PREX1: variants seen among roughly 807,000 people sequenced by gnomAD.
The protein encoded by PREX1 is phosphatidylinositol 3,4,5-trisphosphate-dependent Rac exchanger 1 protein.
In PREX1, 41 loss-of-function variants were observed where a neutral mutation model predicts 198.3. The ratio of observed to expected loss-of-function variants is 0.21; its 90% CI spans 0.16 to 0.27. The LOEUF is 0.27. Ranked by LOEUF, PREX1 falls within the 10% of genes least tolerant of loss-of-function variation. The pLI, the probability that PREX1 is intolerant of heterozygous loss-of-function variation, is 1.00. For synonymous variants in PREX1, 843 were observed against 887.2 expected (o/e 0.95, Z 0.89); for missense variants, 1,620 against 2,200.7 (o/e 0.74, Z 5.28).
At chr20:48,678,203 A>G (rs2089722572) in intron 13 of PREX1, among the ~76,000 whole-genome samples, 1 of 151,974 alleles carries the variant, frequency 6.6e-6, no homozygotes, top group African/African-American at 2.4e-5. Context: ...AATGCCAGCC[A>G]CTCAGGCAAC....
At chr20:48,838,791 G>A in the PREX1 span, among the ~76,000 whole-genome samples, 1 of 152,036 alleles carries the variant, frequency 6.6e-6, no homozygotes, top group African/African-American at 2.4e-5. Flanking sequence ...ACTTTGGGAG[G>A]TGGAGGCTGC....
chr20:48,650,612 G>A (rs1408466508), intron 23 of PREX1, among the ~76,000 whole-genome samples: 1 of 152,246 alleles, frequency 6.6e-6, no homozygotes, highest in Non-Finnish European at 1.5e-5. Context: ...TGGGCTTGCT[G>A]AGGCTAGAGC....
chr20:48,763,378 G>A (rs550620308), intron 1 of PREX1, among the ~76,000 whole-genome samples: 9 of 152,306 alleles, frequency 5.9e-5, no homozygotes, highest in South Asian at 4.1e-4. Context: ...ATTTCCCGCC[G>A]GAATGTCCTG....
At chr20:48,843,876 G>T in the PREX1 span, among the ~76,000 whole-genome samples, 2 of 152,130 alleles carry the variant, frequency 1.3e-5, no homozygotes, top group African/African-American at 4.8e-5. Flanking sequence ...CTGGCATGGT[G>T]GCTCATACCT....
At chr20:48,882,003 A>G in the PREX1 span, among the ~76,000 whole-genome samples, 1 of 149,814 alleles carries the variant, frequency 6.7e-6, no homozygotes. Context: ...ACAGATCATC[A>G]TACAATATGT....
rs531953979 is a variant in PREX1 at position 48,644,392 on chromosome 20, G to A, written c.3601+17C>T. On this transcript the variant is annotated intron_variant, in intron 27 of 39. Coordinates refer to ENST00000371941, the MANE Select transcript of PREX1 (RefSeq NM_020820.4). ...GAGCCTCTCTCCCTGAGCACAGGCCGCTGCCACTCCACTCACCAGACCCCA... is the reference window on the plus strand; with the variant it reads ...GAGCCTCTCTCCCTGAGCACAGGCCACTGCCACTCCACTCACCAGACCCCA... 6.6e-5 allele frequency: 105 copies of A among 1,602,600 alleles called. No homozygotes were observed. The highest frequency in any genetic ancestry group is 3.3e-4 in the Middle Eastern group (2 of 6,038).
At chr20:48,674,506 G>A (rs375400391) in intron 14 of PREX1, among the ~76,000 whole-genome samples, 5 of 152,262 alleles carry the variant, frequency 3.3e-5, no homozygotes, top group African/African-American at 1.2e-4. Flanking sequence ...TCATCTTTGG[G>A]AGCCAATGTG....
chr20:48,665,353 C>A (rs1412373429), intron 15 of PREX1, among the ~76,000 whole-genome samples: 1 of 151,208 alleles, frequency 6.6e-6, no homozygotes, highest in African/African-American at 2.4e-5. Flanking sequence ...CGACTCCAGA[C>A]GGCCTGAGTT....
rs1332979671 is a variant in PREX1 at position 48,692,748 on chromosome 20, G to C, written c.960C>G (p.Ile320Met). The C allele has an allele frequency of 1.2e-6, 2 of 1,614,114 alleles. No individual in the cohort carries two copies. The highest frequency in any genetic ancestry group is 1.1e-5 in the South Asian group (1 of 91,070). Reference protein sequence around the residue: ...SKKSTKRTKSINGSLYIFRGR... With the variant: ...SKKSTKRTKSMNGSLYIFRGR... ...CCCTGAAGATGTAGAGGGAGCCGTT[G>C]ATGGATTTGGTCCTCTTGGTGGACT... Residue 320 changes from isoleucine (I) to methionine (M), a missense_variant, in exon 8 of 40, where the codon ATC becomes ATG. Transcript: ENST00000371941.
rs560190478 is a variant in PREX1, at chr20:48,745,228, C to T, written c.292-81G>A. On this transcript the variant is annotated intron_variant, in intron 2 of 39. Transcript: ENST00000371941. ...CCAAGCACTGAAAAAATACAAACCT[C>T]GGTGCGGGTGACATTGTAGTCAAAG... The T allele has an allele frequency of 2.2e-5, 32 of 1,463,932 alleles. No homozygotes were observed. In the Middle Eastern group the frequency reaches 9.1e-4, roughly 42 times the overall value. 90.7% of individuals were successfully genotyped at this position (1,463,932 alleles called of 1,614,324 possible).
chr20:48,805,735 C>A (rs1419927620), intron 1 of PREX1, among the ~76,000 whole-genome samples: 1 of 152,148 alleles, frequency 6.6e-6, no homozygotes, highest in African/African-American at 2.4e-5. Flanking sequence ...GAGAGAGACA[C>A]CAGGGATGGG....
At chr20:48,760,294 C>T (rs1231923947) in intron 1 of PREX1, among the ~76,000 whole-genome samples, 8 of 152,068 alleles carry the variant, frequency 5.3e-5, no homozygotes, top group Admixed American at 5.2e-4. Context: ...TTATCCCACA[C>T]TATTTTTACT....
the PREX1 span, among the ~76,000 whole-genome samples, chr20:48,837,012 G>C: frequency 4.0e-5 from 6 of 151,626 alleles, no homozygotes; most frequent in East Asian, 1.2e-3. Flanking sequence ...GTGAAAAGGA[G>C]TTCCTTCCCC....
intron 6 of PREX1, among the ~76,000 whole-genome samples, chr20:48,707,772 C>A (rs978495383): frequency 2.6e-5 from 4 of 152,096 alleles, no homozygotes; most frequent in Non-Finnish European, 5.9e-5. Context: ...TAACAGCTAC[C>A]ATTTATTGAG....
Position 48,650,896 on chromosome 20 carries a change from C to T in PREX1, c.2815G>A (p.Glu939Lys). The stretch of plus-strand genomic sequence containing the variant: ...CCCCGGAGGGAGCACGCAGGCACCT[C>T]CTGGTAGCAGGCAATCCTCTGGCCA... ...SIGQRIACYQ[E>K]FAAQLKSRVS... Residue 939 changes from glutamate to lysine, a missense_variant and splice_region_variant, in exon 23 of 40, where the codon GAG becomes AAG. This residue lies in a region of PREX1 where 514 missense variants were observed against 611.6 expected (regional missense o/e 0.84). Transcript: ENST00000371941. 3 of 1,614,096 alleles carry T rather than the reference C, an allele frequency of 1.9e-6. No homozygotes were observed.
intron 1 of PREX1, among the ~76,000 whole-genome samples, chr20:48,816,241 C>G (rs1705998166): frequency 6.6e-6 from 1 of 152,132 alleles, no homozygotes; most frequent in Non-Finnish European, 1.5e-5. Flanking sequence ...AAGTAAAGCA[C>G]AGTGGTCACA....
chr20:48,634,313 C>T (rs566116938), intron 33 of PREX1, among the ~76,000 whole-genome samples: 55 of 152,034 alleles, frequency 3.6e-4, no homozygotes, highest in Non-Finnish European at 5.6e-4. Context: ...GGTGAGGACA[C>T]GAGCAAGGGA....
chr20:48,827,527 G>A lies in PREX1; in HGVS notation c.219+115C>T. 1.2e-6 allele frequency: 1 copy of A among 805,588 alleles called. No individual in the cohort carries two copies. Among genetic ancestry groups the A allele is most frequent in the Non-Finnish European group, 1.6e-6 (1 of 608,080 alleles). The allele number at this position is 805,588 out of a possible 1,614,324, so 49.9% of individuals were successfully genotyped here. A position where few individuals can be genotyped will look rare whatever the true frequency, so the allele number is the denominator to read the frequency against. Reference sequence around the variant, plus strand: ...CCCCCCGCTTTCCGCGCGCCCTGCGGGGCGCCCCCGAGGCAATTCTCCACC... The same window carrying A: ...CCCCCCGCTTTCCGCGCGCCCTGCGAGGCGCCCCCGAGGCAATTCTCCACC... On this transcript the variant is annotated intron_variant, in intron 1 of 39. Transcript: ENST00000371941. This position sits in a 1 kb window ranked among gnomAD's most constrained non-coding sequence, Gnocchi z 4.1.
chr20:48,652,816 AC>A, intron 20 of PREX1, 110 bp from the exon 21 acceptor site: 2 of 1,270,572 alleles, frequency 1.6e-6, no homozygotes, highest in Non-Finnish European at 2.1e-6. Flanking sequence ...AAACTCACTG[AC>A]CACCAGTCAC....
Sources: gnomAD v4.1 joint callset for allele counts (sites outside exome capture counted in the v4.1 genomes callset) on GRCh38, gnomAD v4.1.1 for gene constraint, gnomAD v4.1.1 regional missense constraint, Gnocchi (gnomAD v3.1) non-coding constraint, MANE v1.5 for transcripts, NCBI Gene and HGNC (gene_info 2026-07-23, HGNC 2026-07-21) for gene names.